Variants in NF1 observed in about 807,000 individuals in gnomAD.
NF1 encodes neurofibromin 1, also known as neurofibromin.
In NF1, 122 loss-of-function variants were observed where a neutral mutation model predicts 325.7. The observed-to-expected ratio is 0.37, with a 90% CI of 0.32 to 0.44. NF1 has a LOEUF of 0.44. NF1 is among the 20% of genes least tolerant of loss of function. The pLI, the probability that NF1 is intolerant of heterozygous loss-of-function variation, is 1.00. For missense variants in NF1, 2,140 were observed against 3,415.4 expected, an observed-to-expected ratio of 0.63 and a Z score of 9.31; for synonymous variants, 1,091 against 1,186.0, an observed-to-expected ratio of 0.92 and a Z score of 1.65.
intron 36 of NF1, among the ~76,000 whole-genome samples, chr17:31,311,661 A>T (rs1290092698): frequency 6.6e-6 from 1 of 152,174 alleles, no homozygotes; most frequent in Admixed American, 6.5e-5. Context: ...ATCCTATTTT[A>T]ATTAGCTAGG....
chr17:31,369,022 A>G (rs1201475662), intron 57 of NF1, among the ~76,000 whole-genome samples: 3 of 152,226 alleles, frequency 2.0e-5, no homozygotes, highest in African/African-American at 7.2e-5. Context: ...TTTTTGTAGT[A>G]TAACTTCTCA....
chr17:31,296,783 A>G (rs1025556669), intron 36 of NF1: 2 of 201,928 alleles, frequency 9.9e-6, no homozygotes, highest in South Asian at 8.9e-5. Flanking sequence ...ATGTAATTCA[A>G]TGTGTGTATA....
At chr17:31,359,441 G>T (rs2070350311) in intron 56 of NF1, 1 of 189,814 alleles carries the variant, frequency 5.3e-6, no homozygotes, top group Non-Finnish European at 1.1e-5. Context: ...GTCCTCATTT[G>T]CTCTTATTCA....
intron 1 of NF1, among the ~76,000 whole-genome samples, chr17:31,155,543 A>G (rs1423710080): frequency 5.3e-5 from 8 of 152,118 alleles, no homozygotes; most frequent in Non-Finnish European, 1.0e-4. Flanking sequence ...TTTTTCTTTT[A>G]ATGTTTGAGT....
intron 42 of NF1, 30 bp from the exon 43 acceptor site, chr17:31,337,338 G>C (rs1352496100): frequency 6.5e-7 from 1 of 1,529,052 alleles, no homozygotes; most frequent in Non-Finnish European, 9.1e-7. Flanking sequence ...AATATTTTCT[G>C]TCTTTACTTG....
At chr17:31,243,267 C>T (rs752910466) in intron 29 of NF1, among the ~76,000 whole-genome samples, 8 of 150,482 alleles carry the variant, frequency 5.3e-5, no homozygotes, top group Non-Finnish European at 8.9e-5. Context: ...TGGACACCAG[C>T]ACTGGGAGTG....
intron 12 of NF1, among the ~76,000 whole-genome samples, chr17:31,208,990 TCAGAGTTTCCTA>T (rs2066673816): frequency 1.3e-5 from 2 of 152,132 alleles, no homozygotes; most frequent in Admixed American, 1.3e-4. Context: ...ATACCTAACA[TCAGAGTTTCCTA>T]CTGTTGGCAC....
chr17:31,169,409 CTTGT>C (rs1447359291), intron 4 of NF1, among the ~76,000 whole-genome samples: 1 of 152,086 alleles, frequency 6.6e-6, no homozygotes, highest in African/African-American at 2.4e-5. Context: ...TATCATATCC[CTTGT>C]TTGTTATGTT....
At chr17:31,293,772 C>T (rs940283810) in intron 36 of NF1, among the ~76,000 whole-genome samples, 1 of 152,234 alleles carries the variant, frequency 6.6e-6, no homozygotes. Context: ...ATTTGTGTCT[C>T]ACCCATCTCA....
At chr17:31,358,946 G>A (rs2151585893) in intron 55 of NF1, 23 bp from the exon 56 acceptor site, 1 of 1,607,708 alleles carries the variant, frequency 6.2e-7, no homozygotes, top group Non-Finnish European at 8.5e-7. Context: ...CTTGTTATAA[G>A]AGTAAAATTT....
At chr17:31,285,034 G>A (rs916833768) in intron 36 of NF1, among the ~76,000 whole-genome samples, 1 of 152,048 alleles carries the variant, frequency 6.6e-6, no homozygotes, top group Non-Finnish European at 1.5e-5. Context: ...CAGGAGAATC[G>A]CTTGAGCCCG....
chr17:31,332,334 C>G (rs533323325), intron 39 of NF1, among the ~76,000 whole-genome samples: 3 of 151,876 alleles, frequency 2.0e-5, no homozygotes, highest in African/African-American at 7.2e-5. Context: ...CTCGGTGGTA[C>G]ATGCCTGTAG....
chr17:31,174,643 A>G (rs1030740156), intron 5 of NF1, among the ~76,000 whole-genome samples: 1 of 152,210 alleles, frequency 6.6e-6, no homozygotes, highest in Non-Finnish European at 1.5e-5. Flanking sequence ...TACTGAAAAG[A>G]CCTTGGTTTT....
intron 36 of NF1, among the ~76,000 whole-genome samples, chr17:31,314,912 TC>T (rs1308341925): frequency 6.6e-6 from 1 of 152,138 alleles, no homozygotes; most frequent in Non-Finnish European, 1.5e-5. Context: ...TGATTTACAT[TC>T]CCACTAACAG....
At chr17:31,200,758 G>A (rs2066513240) in intron 9 of NF1, among the ~76,000 whole-genome samples, 163 bp downstream of exon 9, 1 of 152,140 alleles carries the variant, frequency 6.6e-6, no homozygotes, top group Non-Finnish European at 1.5e-5. Context: ...CAGCCTAAAT[G>A]GACTGAGAAT....
chr17:31,239,848 C>G (rs113731680), intron 29 of NF1, among the ~76,000 whole-genome samples: 5 of 152,108 alleles, frequency 3.3e-5, no homozygotes, highest in African/African-American at 1.2e-4. Context: ...CTGCAACCTC[C>G]GCCTCCCATG....
Position 31,252,946 on chromosome 17 carries a change from C to G in NF1, c.4119C>G (p.Cys1373Trp), listed in dbSNP as rs886038394. ...TCATCTCTGTTCTGTAGGCAACTTG[C>G]CACTCCCTACTGAATAAAGCTACAG... ...SVCHCLYQATCHSLLNKATVK... is the reference protein window; with the variant it reads ...SVCHCLYQATWHSLLNKATVK... The change falls in exon 31 of 58, where the codon TGC (cysteine) becomes TGG (tryptophan). Residue 1373 changes from cysteine (C) to tryptophan (W), a missense_variant. Coordinates refer to ENST00000358273, the MANE Select transcript of NF1 (RefSeq NM_001042492.3). 6.2e-7 allele frequency: 1 copy of G among 1,613,316 alleles called. No individual in the cohort carries two copies.
At chr17:31,135,395 T>C (rs764379972) in intron 1 of NF1, among the ~76,000 whole-genome samples, 1 of 152,168 alleles carries the variant, frequency 6.6e-6, no homozygotes, top group Non-Finnish European at 1.5e-5. Flanking sequence ...TTCTTAACTA[T>C]CAATATTTCT....
chr17:31,340,143 G>A (rs1437292433), intron 46 of NF1: 2 of 293,118 alleles, frequency 6.8e-6, no homozygotes, highest in Non-Finnish European at 1.3e-5. Context: ...GAAGTAAAAA[G>A]AATCCACCTT....
Sources: gnomAD v4.1 joint callset for allele counts (sites outside exome capture counted in the v4.1 genomes callset) on GRCh38, gnomAD v4.1.1 for gene constraint, MANE v1.5 for transcripts, NCBI Gene and HGNC (gene_info 2026-07-23, HGNC 2026-07-21) for gene names.